Variants in CLASP2 observed in about 807,000 individuals in gnomAD.
CLASP2 encodes CLIP-associating protein 2.
In CLASP2, 47 loss-of-function variants were observed where a neutral mutation model predicts 194.4. The ratio of observed to expected loss-of-function variants is 0.24; its 90% CI spans 0.19 to 0.31. CLASP2 has a LOEUF of 0.31. Among genes scored for constraint, CLASP2 ranks in the 10% least tolerant of loss-of-function variants. The pLI, the probability that CLASP2 is intolerant of heterozygous loss-of-function variation, is 1.00. For missense variants in CLASP2, 1,445 were observed against 1,823.6 expected (o/e 0.79, Z 3.78); for synonymous variants, 619 against 633.5 (o/e 0.98, Z 0.34).
intron 1 of CLASP2, among the ~76,000 whole-genome samples, chr3:33,711,164 G>A (rs1479328892): frequency 6.6e-6 from 1 of 152,112 alleles, no homozygotes; most frequent in Non-Finnish European, 1.5e-5. Context: ...GCCAGTTAAA[G>A]AGGTTTTGTG....
chr3:33,503,379 A>T (rs1272053872), intron 37 of CLASP2: 1 of 151,586 alleles, frequency 6.6e-6, no homozygotes, highest in Non-Finnish European at 1.5e-5. Flanking sequence ...TATACCTGGG[A>T]ATAGAATAGG....
intron 1 of CLASP2, among the ~76,000 whole-genome samples, chr3:33,708,527 T>C (rs1400707552): frequency 2.8e-5 from 2 of 71,644 alleles, no homozygotes; most frequent in Admixed American, 2.2e-4. Context: ...TATATATGTA[T>C]ATATATATGT....
At chr3:33,600,033 C>T (rs755531741) in intron 18 of CLASP2, among the ~76,000 whole-genome samples, 2 of 151,914 alleles carry the variant, frequency 1.3e-5, no homozygotes, top group African/African-American at 2.4e-5. Flanking sequence ...TATTTTTCTT[C>T]GGTAAAAATA....
At chr3:33,613,406 T>C (rs2075556003) in intron 12 of CLASP2, among the ~76,000 whole-genome samples, 1 of 152,164 alleles carries the variant, frequency 6.6e-6, no homozygotes, top group African/African-American at 2.4e-5. Context: ...GGGCAACACC[T>C]TGGGAAAGGC....
chr3:33,541,682 G>C (rs1392428029), intron 32 of CLASP2, among the ~76,000 whole-genome samples: 1 of 152,048 alleles, frequency 6.6e-6, no homozygotes, highest in Non-Finnish European at 1.5e-5. Context: ...CTGTTTTTAT[G>C]GCCACATAGT....
intron 1 of CLASP2, among the ~76,000 whole-genome samples, chr3:33,705,096 T>C (rs745910415): frequency 6.6e-5 from 10 of 152,098 alleles, no homozygotes; most frequent in Non-Finnish European, 1.5e-4. Context: ...TACTTGTACG[T>C]CAATGTTCAC....
At chr3:33,578,438 ATTACT>A (rs918064465) in intron 23 of CLASP2, among the ~76,000 whole-genome samples, 44 of 152,224 alleles carry the variant, frequency 2.9e-4, no homozygotes, top group African/African-American at 9.9e-4. Context: ...AATAAAATAC[ATTACT>A]TTAATTTAGA....
intron 27 of CLASP2, among the ~76,000 whole-genome samples, chr3:33,561,411 A>G (rs1195616859): frequency 6.6e-6 from 1 of 152,260 alleles, no homozygotes; most frequent in Non-Finnish European, 1.5e-5. Flanking sequence ...TTTATCTGGC[A>G]TAATAGACTA....
chr3:33,644,411 G>C (rs916830228), intron 8 of CLASP2: 1 of 294,626 alleles, frequency 3.4e-6, no homozygotes, highest in African/African-American at 2.2e-5. Context: ...TTCTGTAACA[G>C]CTATTGCACT....
At chr3:33,507,188 C>CCTT (rs1433032185) in intron 37 of CLASP2, among the ~76,000 whole-genome samples, 1 of 152,172 alleles carries the variant, frequency 6.6e-6, no homozygotes. Flanking sequence ...TTGCCTGCCT[C>CCTT]AGCTTCCCAG....
chr3:33,585,310 C>T (rs2067113001), intron 21 of CLASP2, among the ~76,000 whole-genome samples: 1 of 152,110 alleles, frequency 6.6e-6, no homozygotes, highest in Non-Finnish European at 1.5e-5. Context: ...AGTCATATGT[C>T]ACTTAACAAT....
At chr3:33,652,937 A>T (rs938716404) in intron 7 of CLASP2, among the ~76,000 whole-genome samples, 3 of 152,072 alleles carry the variant, frequency 2.0e-5, no homozygotes, top group African/African-American at 7.2e-5. Flanking sequence ...TGCCACTCCT[A>T]ATCTAAGGCC....
At chr3:33,670,437 AT>A (rs2086946682) in intron 6 of CLASP2, among the ~76,000 whole-genome samples, 2 of 152,274 alleles carry the variant, frequency 1.3e-5, no homozygotes, top group Admixed American at 1.3e-4. Context: ...CATTTAAAAT[AT>A]TTTTTTAAAA....
chr3:33,519,413 T>C (rs987438485), intron 34 of CLASP2, among the ~76,000 whole-genome samples: 3 of 152,164 alleles, frequency 2.0e-5, no homozygotes, highest in South Asian at 2.1e-4. Context: ...GTATCAGATA[T>C]TGAAATAATT....
intron 34 of CLASP2, among the ~76,000 whole-genome samples, chr3:33,532,836 T>C (rs1421512169): frequency 6.6e-6 from 1 of 152,198 alleles, no homozygotes; most frequent in Admixed American, 6.5e-5. Context: ...CCTGAGTAGC[T>C]GGGACTACTG....
intron 36 of CLASP2, among the ~76,000 whole-genome samples, chr3:33,512,927 A>G (rs917031533): frequency 3.9e-5 from 6 of 151,936 alleles, no homozygotes. Context: ...AGAGGCAGAG[A>G]TTGCAGTGAG....
rs183760391 is a variant in CLASP2 at position 33,602,163 on chromosome 3, G to A, written c.1924+789C>T. Reference sequence around the variant, plus strand: ...CAAGTAGCTGGGATTACAGGCATGAGCCACCATGCCCGGCTAAGTTTTGCA... The same window carrying A: ...CAAGTAGCTGGGATTACAGGCATGAACCACCATGCCCGGCTAAGTTTTGCA... On this transcript the variant is annotated intron_variant, in intron 18 of 38. Transcript: ENST00000682230. Among the ~76,000 whole-genome samples the A allele has an allele frequency of 1.1e-3, 170 of 152,130 alleles. 1 individual carries two copies. Among genetic ancestry groups the A allele is most frequent in the African/African-American group, 3.9e-3 (163 of 41,508 alleles).
intron 34 of CLASP2, 70 bp downstream of exon 34, chr3:33,535,163 T>C (rs1559903979): frequency 3.9e-6 from 4 of 1,017,366 alleles, no homozygotes; most frequent in East Asian, 2.4e-5. Flanking sequence ...AAAAAGCATA[T>C]GCATTTCTTT....
chr3:33,712,651 C>T (rs571577503), intron 1 of CLASP2, among the ~76,000 whole-genome samples: 1 of 152,206 alleles, frequency 6.6e-6, no homozygotes, highest in Non-Finnish European at 1.5e-5. Flanking sequence ...ATCATAATCA[C>T]CAACAGTAAT....
Sources: allele counts gnomAD v4.1 joint callset (sites outside exome capture counted in the v4.1 genomes callset), GRCh38; gene constraint gnomAD v4.1.1; transcripts MANE v1.5; gene names NCBI Gene and HGNC (gene_info 2026-07-23, HGNC 2026-07-21).